Variants in CHCHD3 observed in about 807,000 individuals in gnomAD.
The protein encoded by CHCHD3 is coiled-coil-helix-coiled-coil-helix domain containing 3, also known as MICOS complex subunit MIC19.
In CHCHD3, 20 loss-of-function variants were observed where a neutral mutation model predicts 38.2. That is an observed-to-expected ratio of 0.52 (90% confidence interval 0.37 to 0.76). The LOEUF (loss-of-function observed/expected upper bound fraction) is 0.76. Ranked by LOEUF, CHCHD3 falls within the 30% of genes least tolerant of loss-of-function variation. The probability of loss-of-function intolerance (pLI) is 0.00; values close to 1 mark genes in which losing one functional copy is unlikely to be tolerated. For missense variants in CHCHD3, 245 were observed against 279.2 expected (o/e 0.88, Z 0.87); for synonymous variants, 82 against 100.0 (o/e 0.82, Z 1.07).
chr7:132,983,041 G>C (rs569534660), intron 3 of CHCHD3, among the ~76,000 whole-genome samples: 1 of 152,142 alleles, frequency 6.6e-6, no homozygotes, highest in African/African-American at 2.4e-5. Context: ...AGTTAAAATT[G>C]GCCAGGCGCG....
chr7:132,938,726 G>A (rs957080455), intron 4 of CHCHD3, among the ~76,000 whole-genome samples: 2 of 152,134 alleles, frequency 1.3e-5, no homozygotes, highest in Non-Finnish European at 2.9e-5. Flanking sequence ...AACCTGCAGT[G>A]TGTCCCCGAC....
chr7:132,998,791 C>G (rs1023870923), intron 3 of CHCHD3, among the ~76,000 whole-genome samples: 1 of 152,142 alleles, frequency 6.6e-6, no homozygotes, highest in East Asian at 1.9e-4. Flanking sequence ...AAATATCACA[C>G]AGCAAAGTTG....
At chr7:133,076,058 CAAAAAAAAA>C (rs58754100) in intron 1 of CHCHD3, among the ~76,000 whole-genome samples, 1 of 63,694 alleles carries the variant, frequency 1.6e-5, no homozygotes, top group African/African-American at 5.8e-5. Flanking sequence ...GATTCTATCT[CAAAAAAAAA>C]AAAAAAAAAA....
intron 3 of CHCHD3, among the ~76,000 whole-genome samples, chr7:133,004,471 G>A (rs1180583691): frequency 1.3e-5 from 2 of 152,202 alleles, no homozygotes; most frequent in Non-Finnish European, 2.9e-5. Flanking sequence ...TAGCTTGTAA[G>A]TAAAGGTAAA....
intron 5 of CHCHD3, among the ~76,000 whole-genome samples, chr7:132,863,354 ATG>A (rs1277145441): frequency 1.3e-5 from 2 of 152,180 alleles, no homozygotes; most frequent in Non-Finnish European, 2.9e-5. Context: ...TAAATGGAAA[ATG>A]TTTTTTGTGA....
intron 4 of CHCHD3, among the ~76,000 whole-genome samples, chr7:132,967,947 T>A (rs1295897355): frequency 1.3e-5 from 2 of 152,180 alleles, no homozygotes; most frequent in Non-Finnish European, 2.9e-5. Context: ...AAGCAAACTT[T>A]AAATCTGTAA....
intron 2 of CHCHD3, among the ~76,000 whole-genome samples, chr7:133,058,296 G>C (rs1374811510): frequency 2.0e-5 from 3 of 151,650 alleles, no homozygotes; most frequent in African/African-American, 7.3e-5. Context: ...CTGGAGTGCA[G>C]GGATGCAAAC....
intron 3 of CHCHD3, among the ~76,000 whole-genome samples, chr7:132,984,912 C>A (rs1584620784): frequency 1.1e-5 from 1 of 93,804 alleles, no homozygotes; most frequent in Non-Finnish European, 2.3e-5. Flanking sequence ...GGGGTCAGCC[C>A]CCCGCCCGGC....
intron 5 of CHCHD3, among the ~76,000 whole-genome samples, chr7:132,844,167 G>A (rs4731909): frequency 0.28 from 43,157 of 152,044 alleles, 6,213 homozygotes; most frequent in East Asian, 0.37. Context: ...CTGTGGTTGC[G>A]GGTACCTGTA....
chr7:133,074,583 A>G (rs2117547770), intron 1 of CHCHD3, among the ~76,000 whole-genome samples: 1 of 152,344 alleles, frequency 6.6e-6, no homozygotes, highest in African/African-American at 2.4e-5. Context: ...CATCAAGACC[A>G]GAAGCAGTAA....
chr7:132,913,074 A>G (rs1474193475), intron 4 of CHCHD3, among the ~76,000 whole-genome samples: 1 of 152,236 alleles, frequency 6.6e-6, no homozygotes, highest in East Asian at 1.9e-4. Flanking sequence ...CCAGAACATC[A>G]ATAAATCAAA....
At chr7:133,049,218 C>T (rs376012558) in intron 2 of CHCHD3, among the ~76,000 whole-genome samples, 21 of 152,142 alleles carry the variant, frequency 1.4e-4, no homozygotes, top group Admixed American at 2.6e-4. Context: ...AATATTCCAA[C>T]GTAATTTCCA....
chr7:133,017,545 C>A (rs1210306100), intron 3 of CHCHD3, among the ~76,000 whole-genome samples: 1 of 152,148 alleles, frequency 6.6e-6, no homozygotes, highest in Non-Finnish European at 1.5e-5. Flanking sequence ...GACTTTGGCA[C>A]AAATGACTTC....
chr7:132,857,140 G>A (rs1308885814), intron 5 of CHCHD3, among the ~76,000 whole-genome samples: 1 of 152,208 alleles, frequency 6.6e-6, no homozygotes, highest in East Asian at 1.9e-4. Flanking sequence ...TACCTGCGAT[G>A]CAAAGCTAAT....
intron 4 of CHCHD3, among the ~76,000 whole-genome samples, chr7:132,961,861 A>G (rs1010834116): frequency 2.0e-5 from 3 of 152,222 alleles, no homozygotes; most frequent in African/African-American, 7.2e-5. Flanking sequence ...GATTCCACAT[A>G]TAAGTGAGAA....
Position 132,851,979 on chromosome 7 carries a change from T to C in CHCHD3, c.454-13510A>G, listed in dbSNP as rs576020787. On this transcript the variant is annotated intron_variant, in intron 5 of 7. Coordinates refer to ENST00000262570, the MANE Select transcript of CHCHD3 (RefSeq NM_017812.4). ...CTTGCTCAGCTACAGGAGGAGCACG[T>C]GCACACAGAGTCCTCTTGAAAACTG... Among the ~76,000 whole-genome samples, 8 of 152,334 alleles carry C rather than the reference T, an allele frequency of 5.3e-5. No homozygotes were observed. In the East Asian group the frequency reaches 1.5e-3, roughly 29 times the overall value.
chr7:133,040,208 C>T (rs1007794929), intron 2 of CHCHD3, among the ~76,000 whole-genome samples: 2 of 152,114 alleles, frequency 1.3e-5, no homozygotes, highest in African/African-American at 4.8e-5. Context: ...CTGGAAGAGA[C>T]CTCAGAGCAG....
intron 2 of CHCHD3, among the ~76,000 whole-genome samples, chr7:133,049,057 G>A (rs989719830): frequency 2.6e-5 from 4 of 152,036 alleles, no homozygotes; most frequent in Non-Finnish European, 2.9e-5. Flanking sequence ...TAAAAAATCC[G>A]CGTATACCCT....
At chr7:132,929,616 G>A (rs1385864641) in intron 4 of CHCHD3, among the ~76,000 whole-genome samples, 2 of 152,060 alleles carry the variant, frequency 1.3e-5, no homozygotes, top group African/African-American at 4.8e-5. Flanking sequence ...ATCCTGAAGG[G>A]ACCTCAAACA....
Sources: allele counts gnomAD v4.1 joint callset (sites outside exome capture counted in the v4.1 genomes callset), GRCh38; gene constraint gnomAD v4.1.1; transcripts MANE v1.5; gene names NCBI Gene and HGNC (gene_info 2026-07-23, HGNC 2026-07-21).